ACSBG2: variants seen among roughly 807,000 people sequenced by gnomAD.
The protein encoded by ACSBG2 is acyl-CoA synthetase bubblegum family member 2.
A neutral mutation model predicts 74.7 loss-of-function variants in ACSBG2; 62 were observed. That is an observed-to-expected ratio of 0.83 (90% CI 0.68 to 1.03). The LOEUF is 1.03. ACSBG2 is among the 50% of genes least tolerant of loss of function. The pLI is 0.00. For synonymous variants in ACSBG2, 309 were observed against 294.1 expected, an observed-to-expected ratio of 1.05 and a Z score of -0.52; for missense variants, 730 against 817.6, an observed-to-expected ratio of 0.89 and a Z score of 1.31.
rs1466347564 is a variant in ACSBG2 at position 6,183,118 on chromosome 19, C to A, written c.1168C>A (p.His390Asn). Reference sequence around the variant, plus strand: ...AGTCAAGACATCCCTTGGCTTGGATCACTGTCACTCTTTTATCAGTGGGAC... The same window carrying A: ...AGTCAAGACATCCCTTGGCTTGGATAACTGTCACTCTTTTATCAGTGGGAC... ...SKVKTSLGLD[H>N]CHSFISGTAP... The change falls in exon 10 of 15, where the codon CAC becomes AAC. Residue 390 changes from histidine (H) to asparagine (N), a missense_variant. His to Asn is a moderately conservative substitution (Grantham distance 68). Coordinates refer to ENST00000588485, the MANE Select transcript of ACSBG2 (RefSeq NM_030924.5). The A allele has an allele frequency of 6.2e-7, 1 of 1,614,212 alleles. No homozygotes were observed.
Position 6,182,831 on chromosome 19 carries a change from G to A in ACSBG2, c.987G>A (p.Glu329=). 6.2e-7 allele frequency: 1 copy of A among 1,614,238 alleles called. No individual in the cohort carries two copies. Among genetic ancestry groups the A allele is most frequent in the Non-Finnish European group, 8.5e-7 (1 of 1,180,038 alleles). ...GVPQIWEKIH[E]MVKKNSAKSM... ...CTCAAATTTGGGAGAAGATACATGAGATGGTGAAGAAAAATAGTGCCAAGT... is the reference window on the plus strand; with the variant it reads ...CTCAAATTTGGGAGAAGATACATGAAATGGTGAAGAAAAATAGTGCCAAGT... Residue 329 remains glutamate (E), a synonymous_variant, in exon 9 of 15, where the codon GAG becomes GAA. Transcript: ENST00000588485.
At chr19:6,160,471 G>A (rs2145113085) in intron 5 of ACSBG2, 1 of 152,198 alleles carries the variant, frequency 6.6e-6, no homozygotes, top group South Asian at 2.1e-4. Context: ...TATGGGTAGA[G>A]GGCTCTGCAC....
At chr19:6,162,871 G>C (rs1386997306) in intron 6 of ACSBG2, among the ~76,000 whole-genome samples, 1 of 151,856 alleles carries the variant, frequency 6.6e-6, no homozygotes, top group African/African-American at 2.4e-5. Flanking sequence ...TACCCTGGTG[G>C]GGGGAGGGTG....
intron 6 of ACSBG2, among the ~76,000 whole-genome samples, chr19:6,162,566 C>CGAA (rs2089662156): frequency 1.2e-5 from 1 of 84,206 alleles, no homozygotes; most frequent in Non-Finnish European, 2.3e-5. Flanking sequence ...GACTCCGTCT[C>CGAA]AAAAAAAAAA....
At chr19:6,169,174 G>T (rs2089898033) in intron 7 of ACSBG2, among the ~76,000 whole-genome samples, 1 of 152,188 alleles carries the variant, frequency 6.6e-6, no homozygotes. Flanking sequence ...CTGTGCAGAA[G>T]CTCTTAAGTC....
At chr19:6,140,466 G>C (rs1184502720) in intron 1 of ACSBG2, among the ~76,000 whole-genome samples, 1 of 152,156 alleles carries the variant, frequency 6.6e-6, no homozygotes, top group Non-Finnish European at 1.5e-5. Flanking sequence ...GATCACTTGA[G>C]CTTGGGAGTT....
intron 4 of ACSBG2, among the ~76,000 whole-genome samples, chr19:6,155,073 G>C (rs1018086095): frequency 6.6e-6 from 1 of 152,142 alleles, no homozygotes; most frequent in Admixed American, 6.6e-5. Flanking sequence ...ATGGTGATGA[G>C]AGTAACCATC....
rs757804966 is a variant in ACSBG2, at chr19:6,187,661, C to T, written c.1743C>T (p.Phe581=). 1 of 1,614,110 alleles carries T rather than the reference C, an allele frequency of 6.2e-7. No individual in the cohort carries two copies. The highest frequency in any genetic ancestry group is 2.2e-5 in the East Asian group (1 of 44,874). Residue 581 remains phenylalanine, a synonymous_variant, in exon 13 of 15, where the codon TTC becomes TTT. Coordinates refer to ENST00000588485, the MANE Select transcript of ACSBG2 (RefSeq NM_030924.5). The part of the protein sequence containing the change: ...LDKLNFEAIN[F]CRGLGSQAST... ...AGCTGAACTTCGAGGCCATCAACTT[C>T]TGTCGGGGTCTGGGCAGCCAGGCAT...
chr19:6,142,790 T>C (rs1050448653), intron 2 of ACSBG2, among the ~76,000 whole-genome samples: 4 of 151,042 alleles, frequency 2.6e-5, no homozygotes, highest in African/African-American at 9.7e-5. Flanking sequence ...CTGAGGTTTA[T>C]GGCAAATAAA....
chr19:6,151,872 T>C, intron 4 of ACSBG2, 77 bp downstream of exon 4: 1 of 1,379,028 alleles, frequency 7.3e-7, no homozygotes, highest in South Asian at 1.3e-5. Flanking sequence ...GCTTGTCCAG[T>C]GTGAGATGCA....
Position 6,187,000 on chromosome 19 carries a change from AG to A in ACSBG2, c.1541-281del, listed in dbSNP as rs1257035474. On this transcript the variant is annotated intron_variant, in intron 11 of 14. Transcript: ENST00000588485. ...GTGTGAGCCACTGTGCCTGGCCACT[AG>A]GTTTTTTTTTTTTTTTTTTTGAGAT... is the stretch of plus-strand genomic sequence containing the variant. Among the ~76,000 whole-genome samples the A allele has an allele frequency of 1.9e-3, 254 of 135,838 alleles. 1 individual carries two copies. The highest frequency in any genetic ancestry group is 3.1e-3 in the Non-Finnish European group (203 of 65,262). The allele number at this position is 135,838 out of a possible 152,430, so 89.1% of individuals were successfully genotyped here.
chr19:6,182,627 A>T, intron 8 of ACSBG2, 124 bp from the exon 9 acceptor site: 1 of 902,186 alleles, frequency 1.1e-6, no homozygotes, highest in East Asian at 2.6e-5. Context: ...TTTGGTTGGG[A>T]GTCCTGCGTA....
At chr19:6,185,761 A>G in intron 11 of ACSBG2, 108 bp downstream of exon 11, 1 of 1,154,000 alleles carries the variant, frequency 8.7e-7, no homozygotes, top group Non-Finnish European at 1.3e-6. Context: ...TCACCTTCCA[A>G]GAGGAGCTGT....
At chr19:6,165,530 T>C (rs889782838) in intron 6 of ACSBG2, among the ~76,000 whole-genome samples, 10 of 152,206 alleles carry the variant, frequency 6.6e-5, no homozygotes, top group African/African-American at 2.4e-4. Flanking sequence ...CGTAGAACAC[T>C]TACCACCTGC....
chr19:6,161,764 G>T (rs1470151022), intron 6 of ACSBG2, among the ~76,000 whole-genome samples: 2 of 152,036 alleles, frequency 1.3e-5, no homozygotes, highest in Non-Finnish European at 2.9e-5. Context: ...ACGTAGGCGG[G>T]ACCTTTGGGA....
intron 1 of ACSBG2, among the ~76,000 whole-genome samples, chr19:6,140,757 C>G (rs556512325): frequency 1.3e-5 from 2 of 152,094 alleles, no homozygotes; most frequent in Non-Finnish European, 2.9e-5. Flanking sequence ...AATGAGAGCA[C>G]CTGTTTTCCC....
chr19:6,184,432 T>C (rs1240061419), intron 10 of ACSBG2, among the ~76,000 whole-genome samples: 1 of 152,094 alleles, frequency 6.6e-6, no homozygotes, highest in African/African-American at 2.4e-5. Context: ...AGGCAGCTCT[T>C]TGTAAGTTTT....
upstream of ACSBG2, chr19:6,135,635 G>T: frequency 6.6e-6 from 1 of 152,558 alleles, no homozygotes; most frequent in Admixed American, 6.5e-5. Flanking sequence ...GATGTCACAA[G>T]AGGTGGCTGG....
intron 2 of ACSBG2, among the ~76,000 whole-genome samples, chr19:6,144,283 C>G (rs2088951430): frequency 6.6e-6 from 1 of 152,244 alleles, no homozygotes; most frequent in Non-Finnish European, 1.5e-5. Context: ...CAGGCACAAG[C>G]CACTGCACCC....
Sources: gnomAD v4.1 joint callset for allele counts (sites outside exome capture counted in the v4.1 genomes callset) on GRCh38, gnomAD v4.1.1 for gene constraint, MANE v1.5 for transcripts, NCBI Gene and HGNC (gene_info 2026-07-23, HGNC 2026-07-21) for gene names.